BCAT2: variants seen among roughly 807,000 people sequenced by gnomAD.
BCAT2 encodes the protein branched-chain-amino-acid aminotransferase, mitochondrial.
In BCAT2, 44 loss-of-function variants were observed where a neutral mutation model predicts 52.9. The ratio of observed to expected loss-of-function variants is 0.83; its 90% CI spans 0.65 to 1.07. The LOEUF is 1.07. Among genes scored for constraint, BCAT2 ranks in the 50% least tolerant of loss-of-function variants. BCAT2 has a pLI of 0.00. For synonymous variants in BCAT2, 215 were observed against 217.1 expected (o/e 0.99, Z 0.08); for missense variants, 478 against 521.8 (o/e 0.92, Z 0.82).
rs1455203509 is a variant in BCAT2 at position 48,797,200 on chromosome 19, C to T, written c.829G>A (p.Glu277Lys). ...TMNIFVYWTH[E>K]DGVLELVTPP... ...TCATGGGTGGGCTTACCCCCATCTT[C>T]GTGGGTCCAGTAGACAAAGATGTTC... The change falls in exon 7 of 11, where the codon GAA (glutamate) becomes AAA (lysine). Residue 277 changes from glutamate (E) to lysine (K), a missense_variant. Physicochemically the swap from Glu to Lys is moderately conservative, Grantham distance 56 (BLOSUM62 1). Transcript: ENST00000316273. The T allele has an allele frequency of 5.6e-6, 9 of 1,613,618 alleles. No homozygotes were observed. The highest frequency in any genetic ancestry group is 1.3e-5 in the African/African-American group (1 of 74,920).
intron 1 of BCAT2, chr19:48,808,232 T>C: frequency 1.0e-6 from 1 of 985,730 alleles, no homozygotes; most frequent in Non-Finnish European, 1.2e-6. Context: ...CTTGCAGCCA[T>C]GCTTCTGCCC....
At chr19:48,800,147 C>T (rs753973578) in intron 4 of BCAT2, 40 bp downstream of exon 4, 7 of 1,612,574 alleles carry the variant, frequency 4.3e-6, no homozygotes, top group African/African-American at 1.3e-5. Flanking sequence ...TGCCCCGGCC[C>T]CAGCCCTCCT....
intron 3 of BCAT2, 69 bp downstream of exon 3, chr19:48,806,448 T>A: frequency 1.9e-6 from 3 of 1,574,936 alleles, no homozygotes; most frequent in Non-Finnish European, 2.6e-6. Flanking sequence ...GAGGTACACC[T>A]GGCAAGAGAC....
chr19:48,806,955 G>A (rs1384769637), intron 2 of BCAT2, 45 bp downstream of exon 2: 2 of 1,596,062 alleles, frequency 1.3e-6, no homozygotes, highest in Admixed American at 1.7e-5. Flanking sequence ...CCAGCTGCCA[G>A]CCCCCTCCTC....
At chr19:48,804,666 T>TCCGC (rs1178660042) in intron 3 of BCAT2, among the ~76,000 whole-genome samples, 4 of 152,156 alleles carry the variant, frequency 2.6e-5, no homozygotes, top group Non-Finnish European at 5.9e-5. Context: ...TCCTCCCCCT[T>TCCGC]CCGCCCCCTG....
intron 6 of BCAT2, among the ~76,000 whole-genome samples, chr19:48,798,632 T>C (rs375656403): frequency 2.7e-5 from 4 of 148,322 alleles, no homozygotes; most frequent in African/African-American, 9.8e-5. Flanking sequence ...AAACCTTTCT[T>C]TTTTTTTTTT....
Position 48,799,622 on chromosome 19 carries a change from G to C in BCAT2, c.695+53C>G, listed in dbSNP as rs762276014. ...GCCGAAAGCACGCACGCTGGTCCCT[G>C]TGTCTCCAACGCCCAGTGCGCCAGT... On this transcript the variant is annotated intron_variant, in intron 6 of 10. Transcript: ENST00000316273. The surrounding 1 kb of genome is among the most constrained non-coding windows in gnomAD (Gnocchi z 5.5). The C allele has an allele frequency of 2.7e-6, 4 of 1,499,996 alleles. No homozygotes were observed. The South Asian group carries it at 5.5e-5, about 21-fold the overall frequency. The allele number at this position is 1,499,996 out of a possible 1,614,324, so 92.9% of individuals were successfully genotyped here.
chr19:48,810,688 TCCCCA>T, intron 1 of BCAT2: 1 of 881,186 alleles, frequency 1.1e-6, no homozygotes, highest in Non-Finnish European at 1.5e-6. Context: ...AATCACAACC[TCCCCA>T]CCCCCACGCC....
Position 48,800,039 on chromosome 19 carries a change from C to T in BCAT2, c.473G>A (p.Trp158Ter), listed in dbSNP as rs1278422779. The T allele has an allele frequency of 1.2e-6, 2 of 1,613,866 alleles. No individual in the cohort carries two copies. Among genetic ancestry groups the T allele is most frequent in the African/African-American group, 1.3e-5 (1 of 74,934 alleles). Reference sequence around the variant, plus strand: ...GCTGGTGCCGGCGGCATCGGGGACCCAGTCCTTGTCCACTTCGATGAGCCG... The same window carrying T: ...GCTGGTGCCGGCGGCATCGGGGACCTAGTCCTTGTCCACTTCGATGAGCCG... Reference protein sequence around the residue: ...IRRLIEVDKDWVPDAAGTSLY... With the variant: ...IRRLIEVDKD The change falls in exon 5 of 11, where the codon TGG (tryptophan) becomes TAG (stop). Residue 158 changes from tryptophan (W) to a stop codon, truncating the protein, a stop_gained. Coordinates refer to ENST00000316273, the MANE Select transcript of BCAT2 (RefSeq NM_001190.4). LOFTEE classifies it high-confidence loss of function.
rs1473516504 is a variant in BCAT2 at position 48,797,191 on chromosome 19, C to T, written c.838G>A (p.Val280Met). 6.2e-7 allele frequency: 1 copy of T among 1,613,662 alleles called. No homozygotes were observed. The highest frequency in any genetic ancestry group is 8.5e-7 in the Non-Finnish European group (1 of 1,179,826). ...CGGGCTGGGTCATGGGTGGGCTTAC[C>T]CCCATCTTCGTGGGTCCAGTAGACA... ...IFVYWTHEDG[V>M]LELVTPPLNG... Residue 280 changes from valine (V) to methionine (M), a missense_variant and splice_region_variant, in exon 7 of 11, where the codon GTG becomes ATG. Coordinates refer to ENST00000316273, the MANE Select transcript of BCAT2 (RefSeq NM_001190.4).
chr19:48,795,585 T>C, intron 10 of BCAT2, 121 bp from the exon 11 acceptor site: 2 of 1,167,726 alleles, frequency 1.7e-6, no homozygotes, highest in Non-Finnish European at 2.5e-6. Context: ...GGAAATGTAG[T>C]CCACTTCCCA....
rs539062293 is a variant in BCAT2, at chr19:48,807,304, C to T, written c.25-230G>A. Reference sequence around the variant, plus strand: ...AGCTCCCGCCCCCTCCTCCATGCTGCGGCAAAGTCAAACGCAAGCGCCTCC... The same window carrying T: ...AGCTCCCGCCCCCTCCTCCATGCTGTGGCAAAGTCAAACGCAAGCGCCTCC... On this transcript the variant is annotated intron_variant, in intron 1 of 10. Coordinates refer to ENST00000316273, the MANE Select transcript of BCAT2 (RefSeq NM_001190.4). The surrounding 1 kb of genome is among the most constrained non-coding windows in gnomAD (Gnocchi z 4.6). 4.1e-4 allele frequency: 192 copies of T among 468,772 alleles called. 2 individuals carry two copies. Among genetic ancestry groups the T allele is most frequent in the South Asian group, 3.6e-3 (145 of 39,772 alleles). The allele number at this position is 468,772 out of a possible 1,614,324, so 29.0% of individuals were successfully genotyped here.
At chr19:48,796,013 A>G (rs2034501732) in intron 10 of BCAT2, 1 of 343,318 alleles carries the variant, frequency 2.9e-6, no homozygotes, top group Admixed American at 4.4e-5. Context: ...GGGCTGGCTA[A>G]GGTCTCAGTG....
chr19:48,802,680 T>C (rs1001692867), intron 3 of BCAT2, among the ~76,000 whole-genome samples: 5 of 151,970 alleles, frequency 3.3e-5, no homozygotes, highest in African/African-American at 1.2e-4. Context: ...ACTCCTGACC[T>C]CAGGTGACCC....
chr19:48,802,373 G>A (rs1350482796), intron 3 of BCAT2, among the ~76,000 whole-genome samples: 2 of 150,066 alleles, frequency 1.3e-5, no homozygotes, highest in Non-Finnish European at 3.0e-5. Context: ...TACAGTTCCC[G>A]AAATTGAGCC....
chr19:48,799,879 C>G lies in BCAT2; in HGVS notation c.532-41G>C, dbSNP rs1042293172. ...GGACAGCGTCAGGAGTCCAGGCCCC[C>G]AGTCCCTTCCCGTCCCCAGGCCCAG... On this transcript the variant is annotated intron_variant, in intron 5 of 10. Coordinates refer to ENST00000316273, the MANE Select transcript of BCAT2 (RefSeq NM_001190.4). The surrounding 1 kb of genome is among the most constrained non-coding windows in gnomAD (Gnocchi z 5.5). The G allele has an allele frequency of 4.4e-6, 7 of 1,580,834 alleles. No individual in the cohort carries two copies. Among genetic ancestry groups the G allele is most frequent in the African/African-American group, 1.4e-5 (1 of 73,882 alleles).
At chr19:48,797,136 A>G in intron 7 of BCAT2, 55 bp downstream of exon 7, 2 of 1,609,236 alleles carry the variant, frequency 1.2e-6, no homozygotes, top group Non-Finnish European at 1.7e-6. Context: ...CCTGCCAGGA[A>G]TGATGGTGCC....
chr19:48,810,736 CTTTTTTT>C, intron 1 of BCAT2: 20 of 720,954 alleles, frequency 2.8e-5, no homozygotes, highest in East Asian at 1.8e-4. Flanking sequence ...CCATGTTTCC[CTTTTTTT>C]TTTTTTTTTT....
intron 3 of BCAT2, 112 bp downstream of exon 3, chr19:48,806,405 A>G (rs2034780072): frequency 7.3e-7 from 1 of 1,372,204 alleles, no homozygotes; most frequent in Non-Finnish European, 1.0e-6. Flanking sequence ...GTGAATGCAC[A>G]GAAAGGAGAA....
Sources: gnomAD v4.1 joint callset for allele counts (sites outside exome capture counted in the v4.1 genomes callset) on GRCh38, gnomAD v4.1.1 for gene constraint, Gnocchi (gnomAD v3.1) non-coding constraint, MANE v1.5 for transcripts, NCBI Gene and HGNC (gene_info 2026-07-23, HGNC 2026-07-21) for gene names.